GALNT8: variants seen among roughly 807,000 people sequenced by gnomAD.
GALNT8 encodes the protein probable polypeptide N-acetylgalactosaminyltransferase 8.
In GALNT8, 66 loss-of-function variants were observed where a neutral mutation model predicts 62.7. That is an observed-to-expected ratio of 1.05 (90% CI 0.86 to 1.29). The LOEUF is 1.29. GALNT8 is among the 50% of genes most tolerant of loss of function. The pLI is 0.00. For synonymous variants in GALNT8, 288 were observed against 294.3 expected (o/e 0.98, Z 0.22); for missense variants, 771 against 791.8 (o/e 0.97, Z 0.32).
intron 1 of GALNT8, among the ~76,000 whole-genome samples, chr12:4,725,681 G>A (rs1321069131): frequency 9.4e-5 from 14 of 148,758 alleles, no homozygotes; most frequent in African/African-American, 3.0e-4. Flanking sequence ...TCAGCCTCCC[G>A]AGTAGCTGAG....
At chr12:4,760,215 A>G (rs1030531611) in intron 6 of GALNT8, among the ~76,000 whole-genome samples, 32 of 152,212 alleles carry the variant, frequency 2.1e-4, no homozygotes, top group Non-Finnish European at 2.8e-4. Flanking sequence ...TCAAGCTCAC[A>G]TTATTGTTGG....
In GALNT8 at chr12:4,746,201, G is replaced by A. The variant is rs147314947; in HGVS notation, c.1116G>A (p.Gly372=). Residue 372 remains glycine, a synonymous_variant, in exon 6 of 11, where the codon GGG becomes GGA. Coordinates refer to ENST00000252318, the MANE Select transcript of GALNT8 (RefSeq NM_017417.2). ...ACAGGCACTTCCTGGGAGAGATCGG[G>A]TCTCTGGATGGTGGAATGCTCATCT... ...AANRHFLGEI[G]SLDGGMLIYG... The A allele has an allele frequency of 2.6e-5, 42 of 1,613,582 alleles. No individual in the cohort carries two copies. In the East Asian group the frequency reaches 4.0e-4, roughly 15 times the overall value.
In GALNT8 at chr12:4,745,892, C is replaced by G. The variant is rs71579266; in HGVS notation, c.1059-252C>G. Among the ~76,000 whole-genome samples, 327 of 152,262 alleles carry G rather than the reference C, an allele frequency of 2.1e-3. 4 individuals carry two copies. The highest frequency in any genetic ancestry group is 0.015 in the South Asian group (73 of 4,822). ...TGGAAAACATTTGGGCCATTTCAAG[C>G]TTTAGCAGACTATGAAGTAAGGATA... On this transcript the variant is annotated intron_variant, in intron 5 of 10. Coordinates refer to ENST00000252318, the MANE Select transcript of GALNT8 (RefSeq NM_017417.2).
In GALNT8 at chr12:4,726,166, TA is replaced by T. The variant is rs199781194; in HGVS notation, c.212-356del. 6.0e-5 allele frequency among the ~76,000 whole-genome samples: 9 copies of T among 149,972 alleles called. No homozygotes were observed. The highest frequency in any genetic ancestry group is 2.1e-4 in the South Asian group (1 of 4,738). On this transcript the variant is annotated intron_variant, in intron 1 of 10. Transcript: ENST00000252318. The surrounding 1 kb of genome is among the most constrained non-coding windows in gnomAD (Gnocchi z 4.1). ...TGGAGATTAGCCTGGGTATCTACAT[TA>T]AAAAAAAAATCACAACTGATTGATT...
intron 1 of GALNT8, among the ~76,000 whole-genome samples, chr12:4,725,553 CTTTTTTTTT>C (rs747460695): frequency 1.7e-5 from 2 of 119,696 alleles, no homozygotes; most frequent in Non-Finnish European, 3.4e-5. Flanking sequence ...TGAAGACATT[CTTTTTTTTT>C]TTTTTTTTTT....
intron 6 of GALNT8, among the ~76,000 whole-genome samples, chr12:4,750,056 A>G (rs1234856146): frequency 6.6e-6 from 1 of 151,672 alleles, no homozygotes; most frequent in African/African-American, 2.4e-5. Context: ...TTTTTTTCTT[A>G]GTCTGGATAA....
At position 4,762,928 on chromosome 12, in the gene GALNT8, G is replaced by C. The variant is rs1946379430; in HGVS notation, c.1360-325G>C. On this transcript the variant is annotated intron_variant, in intron 7 of 10. Coordinates refer to ENST00000252318, the MANE Select transcript of GALNT8 (RefSeq NM_017417.2). ...GAAGATTTATAGACCAAAAAAAAGG[G>C]AAGTGACGTACAGACATCGGAAGTG... 2.0e-5 allele frequency among the ~76,000 whole-genome samples: 3 copies of C among 152,242 alleles called. No homozygotes were observed. The South Asian group carries it at 6.2e-4, about 31-fold the overall frequency.
chr12:4,761,988 G>A (rs1946375498), intron 7 of GALNT8, among the ~76,000 whole-genome samples: 2 of 152,208 alleles, frequency 1.3e-5, no homozygotes, highest in Non-Finnish European at 2.9e-5. Context: ...AGGGTCAGGA[G>A]CCAGGTTAAC....
chr12:4,733,340 TA>T (rs1482755733), intron 2 of GALNT8, among the ~76,000 whole-genome samples: 1 of 152,186 alleles, frequency 6.6e-6, no homozygotes, highest in Non-Finnish European at 1.5e-5. Flanking sequence ...AGGGAGAGAT[TA>T]TTCTTTTGGA....
intron 2 of GALNT8, among the ~76,000 whole-genome samples, chr12:4,734,062 G>A (rs1167077560): frequency 6.6e-6 from 1 of 152,158 alleles, no homozygotes; most frequent in Non-Finnish European, 1.5e-5. Flanking sequence ...AACCTTTATG[G>A]AGCTTCTTTT....
intron 6 of GALNT8, among the ~76,000 whole-genome samples, chr12:4,752,381 A>G (rs1283768742): frequency 6.6e-6 from 1 of 151,498 alleles, no homozygotes; most frequent in Non-Finnish European, 1.5e-5. Context: ...CTCTGTTGAT[A>G]TGATTTAGTT....
At position 4,735,365 on chromosome 12, in the gene GALNT8, G is replaced by A. The variant is rs751663085; in HGVS notation, c.510-3798G>A. Among the ~76,000 whole-genome samples, 81 of 151,882 alleles carry A rather than the reference G, an allele frequency of 5.3e-4. 3 individuals carry two copies. Among genetic ancestry groups the A allele is most frequent in the Admixed American group, 4.7e-3 (71 of 15,244 alleles). On this transcript the variant is annotated intron_variant, in intron 2 of 10. Transcript: ENST00000252318. ...CCGTGACTTGTTCCCCCTACCCACCGTCAGCACTGTCTTATGGAAACTTCT... is the reference window on the plus strand; with the variant it reads ...CCGTGACTTGTTCCCCCTACCCACCATCAGCACTGTCTTATGGAAACTTCT...
chr12:4,765,164 T>A (rs980264305), intron 9 of GALNT8, among the ~76,000 whole-genome samples: 7 of 152,032 alleles, frequency 4.6e-5, no homozygotes, highest in African/African-American at 1.7e-4. Flanking sequence ...GGAACCCTCC[T>A]AGGCCTGGCC....
intron 2 of GALNT8, among the ~76,000 whole-genome samples, chr12:4,731,787 A>G (rs974755035): frequency 6.6e-6 from 1 of 152,200 alleles, no homozygotes; most frequent in African/African-American, 2.4e-5. Context: ...TATTACATAT[A>G]GAGATTTGTG....
chr12:4,746,376 T>C, intron 6 of GALNT8, 118 bp downstream of exon 6: 1 of 677,048 alleles, frequency 1.5e-6, no homozygotes, highest in Non-Finnish European at 2.7e-6. Context: ...GGTGGATACA[T>C]TCTTATGTTT....
chr12:4,739,003 C>G (rs565676949), intron 2 of GALNT8, among the ~76,000 whole-genome samples, 160 bp from the exon 3 acceptor site: 1 of 152,230 alleles, frequency 6.6e-6, no homozygotes, highest in South Asian at 2.1e-4. Context: ...AATATAAAAT[C>G]TTGCTACTGT....
chr12:4,734,369 C>T (rs1946235041), intron 2 of GALNT8, among the ~76,000 whole-genome samples: 1 of 152,090 alleles, frequency 6.6e-6, no homozygotes, highest in African/African-American at 2.4e-5. Context: ...GATCTCAGAC[C>T]CCGCTCAGAC....
rs566302412 is a variant in GALNT8, at chr12:4,720,791, G to A, written c.114G>A (p.Thr38=). 4.2e-5 allele frequency: 68 copies of A among 1,611,544 alleles called. 2 individuals are homozygous for A. The South Asian group carries it at 5.6e-4, about 13-fold the overall frequency. ...SSKGTLQNLF[T]GGLHRELPLH... ...AGGGGACTTTACAAAACCTGTTTAC[G>A]GGTGGTCTCCACAGGGAGCTTCCTT... is the stretch of plus-strand genomic sequence containing the variant. Residue 38 remains threonine (T), a synonymous_variant, in exon 1 of 11, where the codon ACG becomes ACA. Transcript: ENST00000252318.
chr12:4,763,481 G>A (rs1591574668), intron 8 of GALNT8, 91 bp downstream of exon 8: 2 of 1,053,362 alleles, frequency 1.9e-6, no homozygotes, highest in Admixed American at 3.8e-5. Context: ...TCCTGCCCAA[G>A]ACGCCCTTCC....
Sources: allele counts gnomAD v4.1 joint callset (sites outside exome capture counted in the v4.1 genomes callset), GRCh38; gene constraint gnomAD v4.1.1; non-coding constraint Gnocchi (gnomAD v3.1); transcripts MANE v1.5; gene names NCBI Gene and HGNC (gene_info 2026-07-23, HGNC 2026-07-21).